Variants in ATP2B2 observed in about 807,000 individuals in gnomAD.
The protein encoded by ATP2B2 is plasma membrane calcium-transporting ATPase 2.
A neutral mutation model predicts 120.0 loss-of-function variants in ATP2B2; 15 were observed. That is an observed-to-expected ratio of 0.12 (90% CI 0.08 to 0.19). ATP2B2 has a LOEUF of 0.19. Ranked by LOEUF, ATP2B2 falls within the 10% of genes least tolerant of loss-of-function variation. The pLI is 1.00. For missense variants in ATP2B2, 1,045 were observed against 1,719.8 expected, an observed-to-expected ratio of 0.61 and a Z score of 6.94; for synonymous variants, 694 against 700.3, an observed-to-expected ratio of 0.99 and a Z score of 0.14.
chr3:10,369,832 C>T (rs1446933082), intron 12 of ATP2B2, among the ~76,000 whole-genome samples: 1 of 152,194 alleles, frequency 6.6e-6, no homozygotes, highest in Non-Finnish European at 1.5e-5. Flanking sequence ...AACCACTACC[C>T]AGTCACACAG....
intron 2 of ATP2B2, among the ~76,000 whole-genome samples, chr3:10,447,097 G>C (rs1184647056): frequency 6.6e-6 from 1 of 152,190 alleles, no homozygotes; most frequent in East Asian, 1.9e-4. Context: ...TGAGTCCTGG[G>C]GTCCTTGCTG....
chr3:10,496,351 T>A (rs1327029506), intron 1 of ATP2B2, among the ~76,000 whole-genome samples: 3 of 152,182 alleles, frequency 2.0e-5, no homozygotes, highest in African/African-American at 7.2e-5. Context: ...CTTTGCAGGC[T>A]TGCCCTGGGA....
intron 1 of ATP2B2, among the ~76,000 whole-genome samples, chr3:10,662,786 T>C (rs962849675): frequency 6.6e-6 from 1 of 152,070 alleles, no homozygotes; most frequent in African/African-American, 2.4e-5. Flanking sequence ...TAAAGACATA[T>C]GCACACGTAT....
Position 10,621,633 on chromosome 3 carries a change from G to A in ATP2B2, c.-459-1672C>T, listed in dbSNP as rs76380515. ...TGAGGCTGCGGCCATGTCAGGAGACGGGGAGTTAGCTCCCTTTGACAATAG... is the reference window on the plus strand; with the variant it reads ...TGAGGCTGCGGCCATGTCAGGAGACAGGGAGTTAGCTCCCTTTGACAATAG... On this transcript the variant is annotated intron_variant, in intron 1 of 21. Transcript: ENST00000646379. 5.0e-3 allele frequency among the ~76,000 whole-genome samples: 756 copies of A among 152,316 alleles called. 1 individual carries two copies. Among genetic ancestry groups the A allele is most frequent in the Non-Finnish European group, 7.9e-3 (537 of 68,028 alleles).
intron 2 of ATP2B2, among the ~76,000 whole-genome samples, chr3:10,535,398 T>C (rs2125483710): frequency 6.6e-6 from 1 of 151,994 alleles, no homozygotes; most frequent in South Asian, 2.1e-4. Flanking sequence ...TGTGTGTGTG[T>C]GTGTGTGTGT....
intron 3 of ATP2B2, among the ~76,000 whole-genome samples, chr3:10,522,060 A>G (rs2066994507): frequency 6.6e-6 from 1 of 152,202 alleles, no homozygotes; most frequent in Admixed American, 6.5e-5. Context: ...ATTGAAAGAC[A>G]AGGGGGATTA....
chr3:10,702,014 G>A (rs1244880538), intron 1 of ATP2B2, among the ~76,000 whole-genome samples: 1 of 152,028 alleles, frequency 6.6e-6, no homozygotes, highest in East Asian at 1.9e-4. Flanking sequence ...CCCTTATCAG[G>A]GCCTAACATT....
chr3:10,557,903 A>G (rs1261361620), intron 2 of ATP2B2, among the ~76,000 whole-genome samples: 1 of 152,090 alleles, frequency 6.6e-6, no homozygotes, highest in African/African-American at 2.4e-5. Context: ...TCGAAGATCA[A>G]GTGGTGTGGC....
intron 4 of ATP2B2, 61 bp from the exon 5 acceptor site, chr3:10,401,139 T>C (rs2062205885): frequency 5.0e-6 from 8 of 1,601,884 alleles, no homozygotes; most frequent in Non-Finnish European, 6.8e-6. Flanking sequence ...GCTGGAACAT[T>C]CCCTTAAAGG....
intron 13 of ATP2B2, among the ~76,000 whole-genome samples, chr3:10,359,542 C>A (rs17032747): frequency 0.027 from 4,076 of 152,086 alleles, 188 homozygotes; most frequent in African/African-American, 0.093. Context: ...ACCAACTCTA[C>A]GCTAAAGGAA....
At chr3:10,588,363 G>A (rs925177164) in intron 2 of ATP2B2, among the ~76,000 whole-genome samples, 8 of 152,180 alleles carry the variant, frequency 5.3e-5, no homozygotes, top group African/African-American at 1.9e-4. Context: ...ATTTGTAAAG[G>A]ATCAGTCATA....
chr3:10,338,804 C>T lies in ATP2B2; in HGVS notation c.3238-446G>A, dbSNP rs1230486818. On this transcript the variant is annotated intron_variant, in intron 21 of 22. Coordinates refer to ENST00000360273, the MANE Select transcript of ATP2B2 (RefSeq NM_001001331.4). The stretch of plus-strand genomic sequence containing the variant: ...ACTGGGCACGGTGGAGGGTCTAACT[C>T]GTCCTGCATGAGCCTGGCCCGTGGC... The T allele has an allele frequency of 1.6e-5, 4 of 257,600 alleles. No individual in the cohort carries two copies. The East Asian group carries it at 3.3e-4, about 22-fold the overall frequency. The allele number at this position is 257,600 out of a possible 1,614,324, so 16.0% of individuals were successfully genotyped here. A position where few individuals can be genotyped will look rare whatever the true frequency, so the allele number is the denominator to read the frequency against.
At chr3:10,562,104 C>T (rs1410722777) in intron 2 of ATP2B2, among the ~76,000 whole-genome samples, 1 of 152,216 alleles carries the variant, frequency 6.6e-6, no homozygotes, top group African/African-American at 2.4e-5. Context: ...TGGATGAGGT[C>T]TGCTAGTATA....
intron 1 of ATP2B2, among the ~76,000 whole-genome samples, chr3:10,703,191 G>A (rs2071844907): frequency 6.6e-6 from 1 of 152,184 alleles, no homozygotes; most frequent in East Asian, 1.9e-4. Context: ...ACCCTCAGGA[G>A]GCGGGGTGTC....
intron 2 of ATP2B2, among the ~76,000 whole-genome samples, chr3:10,601,758 G>T (rs1309763510): frequency 1.3e-5 from 2 of 152,208 alleles, no homozygotes; most frequent in Non-Finnish European, 2.9e-5. Context: ...ATCAGCAAGA[G>T]CTATGGGGGA....
intron 12 of ATP2B2, among the ~76,000 whole-genome samples, chr3:10,370,571 G>A (rs2061199088): frequency 6.6e-6 from 1 of 152,212 alleles, no homozygotes; most frequent in East Asian, 1.9e-4. Flanking sequence ...AGGATGATGC[G>A]GGTGGCTGCT....
chr3:10,584,605 C>T (rs1022605608), intron 2 of ATP2B2, among the ~76,000 whole-genome samples: 20 of 152,190 alleles, frequency 1.3e-4, no homozygotes, highest in African/African-American at 4.1e-4. Flanking sequence ...ACATTTTGCT[C>T]GTGACTGATA....
intron 2 of ATP2B2, among the ~76,000 whole-genome samples, chr3:10,415,635 C>G (rs1347337678): frequency 6.6e-6 from 1 of 152,202 alleles, no homozygotes; most frequent in Admixed American, 6.5e-5. Flanking sequence ...GTCTCCTTTC[C>G]TTTCTGCTGA....
At chr3:10,394,849 A>G (rs55638308) in intron 5 of ATP2B2, among the ~76,000 whole-genome samples, 13,554 of 151,900 alleles carry the variant, frequency 0.089, 961 homozygotes, top group African/African-American at 0.2. Context: ...TTTTTTGAAG[A>G]CAGCCCCGCC....
Sources: gnomAD v4.1 joint callset for allele counts (sites outside exome capture counted in the v4.1 genomes callset) on GRCh38, gnomAD v4.1.1 for gene constraint, MANE v1.5 for transcripts, NCBI Gene and HGNC (gene_info 2026-07-23, HGNC 2026-07-21) for gene names.